The following AMMECR1L variants were observed in gnomAD, a reference collection of about 807,000 sequenced individuals.
AMMECR1L encodes AMMECR1 like.
In AMMECR1L, 4 loss-of-function variants were observed where a neutral mutation model predicts 36.8. The observed-to-expected ratio is 0.11, with a 90% CI of 0.05 to 0.25. The LOEUF (loss-of-function observed/expected upper bound fraction) is 0.25, where lower values mean the gene tolerates loss of function less well. Among genes scored for constraint, AMMECR1L ranks in the 10% least tolerant of loss-of-function variants. AMMECR1L has a pLI of 1.00. For synonymous variants in AMMECR1L, 147 were observed against 148.0 expected, an observed-to-expected ratio of 0.99 and a Z score of 0.05; for missense variants, 232 against 392.1, an observed-to-expected ratio of 0.59 and a Z score of 3.45.
In AMMECR1L at chr2:127,871,024, G is replaced by C. The variant is rs1690940101; in HGVS notation, c.519-96C>G. On this transcript the variant is annotated intron_variant, in intron 4 of 7. Coordinates refer to ENST00000272647, the MANE Select transcript of AMMECR1L (RefSeq NM_001199140.2). The surrounding 1 kb of genome is among the most constrained non-coding windows in gnomAD (Gnocchi z 4.3). ...CACATATTTATGAATCTTGAGCTAT[G>C]CAGAGAGTATCTATTGTTCATCAAC... 1 of 1,011,422 alleles carries C rather than the reference G, an allele frequency of 9.9e-7. No homozygotes were observed. Among genetic ancestry groups the C allele is most frequent in the African/African-American group, 1.6e-5 (1 of 61,666 alleles). 62.7% of individuals were successfully genotyped at this position (1,011,422 alleles called of 1,614,324 possible). A position where few individuals can be genotyped will look rare whatever the true frequency, so the allele number is the denominator to read the frequency against.
At position 127,869,500 on chromosome 2, in the gene AMMECR1L, A is replaced by C; in HGVS notation, c.678T>G (p.Gly226=). 3.1e-6 allele frequency: 5 copies of C among 1,614,100 alleles called. No individual in the cohort carries two copies. Among genetic ancestry groups the C allele is most frequent in the Non-Finnish European group, 4.2e-6 (5 of 1,179,988 alleles). ...GTAAATATGTGGCTGTGCGTTTGACACCTTTTTCATTAATGAATTCAATTC... is the reference window on the plus strand; with the variant it reads ...GTAAATATGTGGCTGTGCGTTTGACCCCTTTTTCATTAATGAATTCAATTC... ...GIRIEFINEK[G]VKRTATYLPE... is the part of the protein sequence containing the mutation. Residue 226 remains glycine, a synonymous_variant, in exon 6 of 8, where the codon GGT becomes GGG. Coordinates refer to ENST00000272647, the MANE Select transcript of AMMECR1L (RefSeq NM_001199140.2). The surrounding 1 kb of genome is among the most constrained non-coding windows in gnomAD (Gnocchi z 4.7).
chr2:127,883,129 G>T (rs1012299119), intron 2 of AMMECR1L, among the ~76,000 whole-genome samples: 6 of 146,868 alleles, frequency 4.1e-5, no homozygotes, highest in African/African-American at 1.5e-4. Flanking sequence ...ACAGAGTCTC[G>T]CTCTGTCGTC....
Position 127,873,083 on chromosome 2 carries a change from G to A in AMMECR1L, c.407+745C>T, listed in dbSNP as rs892163583. On this transcript the variant is annotated intron_variant, in intron 3 of 7. Coordinates refer to ENST00000272647, the MANE Select transcript of AMMECR1L (RefSeq NM_001199140.2). This position sits in a 1 kb window ranked among gnomAD's most constrained non-coding sequence, Gnocchi z 5.2. Reference sequence around the variant, plus strand: ...CTCCGTATGGCAATCAACAACTGAGGAATGAATAATCTCATATCAATGAAC... The same window carrying A: ...CTCCGTATGGCAATCAACAACTGAGAAATGAATAATCTCATATCAATGAAC... 3.0e-6 allele frequency: 3 copies of A among 985,168 alleles called. No individual in the cohort carries two copies. The highest frequency in any genetic ancestry group is 3.6e-6 in the Non-Finnish European group (3 of 829,922). The allele number at this position is 985,168 out of a possible 1,614,324, so 61.0% of individuals were successfully genotyped here.
rs1342030603 is a variant in AMMECR1L, at chr2:127,874,941, C to T, written c.-38-669G>A. ...TCCAATTTCTATACATCTCCCTATCCTTTCAAGACCCCATTCAGAAAACCT... is the reference window on the plus strand; with the variant it reads ...TCCAATTTCTATACATCTCCCTATCTTTTCAAGACCCCATTCAGAAAACCT... On this transcript the variant is annotated intron_variant, in intron 2 of 7. Transcript: ENST00000272647. The surrounding 1 kb of genome is among the most constrained non-coding windows in gnomAD (Gnocchi z 5.2). Among the ~76,000 whole-genome samples the T allele has an allele frequency of 6.6e-6, 1 of 152,184 alleles. No individual in the cohort carries two copies. Among genetic ancestry groups the T allele is most frequent in the Non-Finnish European group, 1.5e-5 (1 of 68,040 alleles).
chr2:127,884,389 C>G (rs911422406), intron 1 of AMMECR1L, 77 bp from the exon 2 acceptor site: 2 of 148,328 alleles, frequency 1.3e-5, no homozygotes, highest in Non-Finnish European at 3.0e-5. Flanking sequence ...TCTGAAAAAT[C>G]ACAACTCGAC....
chr2:127,869,919 C>G lies in AMMECR1L; in HGVS notation c.634-375G>C, dbSNP rs1690881072. ...TTCCTAATAAAAACTTTTATTTGGCCAGGCGCGGTGGCTCATGCCTGTAAT... is the reference window on the plus strand; with the variant it reads ...TTCCTAATAAAAACTTTTATTTGGCGAGGCGCGGTGGCTCATGCCTGTAAT... On this transcript the variant is annotated intron_variant, in intron 5 of 7. Transcript: ENST00000272647. The surrounding 1 kb of genome is among the most constrained non-coding windows in gnomAD (Gnocchi z 4.7). Among the ~76,000 whole-genome samples the G allele has an allele frequency of 6.6e-6, 1 of 152,148 alleles. No homozygotes were observed. The highest frequency in any genetic ancestry group is 1.5e-5 in the Non-Finnish European group (1 of 68,040).
In AMMECR1L at chr2:127,869,360, T is replaced by C. The variant is rs1188164923; in HGVS notation, c.724+94A>G. 6 of 1,199,686 alleles carry C rather than the reference T, an allele frequency of 5.0e-6. No homozygotes were observed. In the Admixed American group the frequency reaches 5.2e-5, roughly 10 times the overall value. The allele number at this position is 1,199,686 out of a possible 1,614,324, so 74.3% of individuals were successfully genotyped here. ...GAAAGGCCCTCATTCTCAGCTGCAG[T>C]TGGGCTGCAAGATGACACACTTCAC... is the stretch of plus-strand genomic sequence containing the variant. On this transcript the variant is annotated intron_variant, in intron 6 of 7. Transcript: ENST00000272647. This position sits in a 1 kb window ranked among gnomAD's most constrained non-coding sequence, Gnocchi z 4.7.
intron 6 of AMMECR1L, 181 bp from the exon 7 acceptor site, chr2:127,867,177 G>T (rs958312337): frequency 1.0e-6 from 1 of 985,382 alleles, no homozygotes; most frequent in African/African-American, 1.7e-5. Context: ...GTCCCGTGGA[G>T]ACTCTGAGAC....
intron 3 of AMMECR1L, among the ~76,000 whole-genome samples, chr2:127,872,015 C>G (rs1325019194): frequency 2.0e-5 from 3 of 151,862 alleles, no homozygotes; most frequent in Non-Finnish European, 4.4e-5. Flanking sequence ...ATGGCGAAAC[C>G]CCGCCTCTAC....
chr2:127,864,228 A>C lies in AMMECR1L; in HGVS notation c.*866T>G, dbSNP rs531845457. On this transcript the variant is annotated 3_prime_UTR_variant, in exon 8 of 8. Transcript: ENST00000272647. The stretch of plus-strand genomic sequence containing the variant: ...TGAGAACTTAGGTCCAGCTATAGGC[A>C]CTGCTACCAGCAGAGGAGTGAGGTA... 3 of 152,838 alleles carry C rather than the reference A, an allele frequency of 2.0e-5. No homozygotes were observed. The highest frequency in any genetic ancestry group is 6.5e-5 in the Admixed American group (1 of 15,306). The allele number at this position is 152,838 out of a possible 1,614,324, so 9.5% of individuals were successfully genotyped here.
intron 2 of AMMECR1L, among the ~76,000 whole-genome samples, chr2:127,875,442 C>T (rs1292666440): frequency 6.6e-6 from 1 of 152,090 alleles, no homozygotes; most frequent in African/African-American, 2.4e-5. Context: ...CCTAAATTTT[C>T]CCCTGTGATT....
chr2:127,866,028 G>A (rs1010057298), intron 7 of AMMECR1L, among the ~76,000 whole-genome samples: 11 of 152,160 alleles, frequency 7.2e-5, no homozygotes, highest in African/African-American at 2.4e-4. Flanking sequence ...TGTATTTGAA[G>A]AGTTTTTTGT....
chr2:127,875,377 G>A (rs1691178545), intron 2 of AMMECR1L, among the ~76,000 whole-genome samples: 1 of 152,116 alleles, frequency 6.6e-6, no homozygotes, highest in African/African-American at 2.4e-5. Context: ...GAAAGAGAGA[G>A]AAAGAAGGGC....
chr2:127,872,920 C>G, intron 3 of AMMECR1L: 1 of 907,078 alleles, frequency 1.1e-6, no homozygotes, highest in South Asian at 5.1e-5. Flanking sequence ...CTCCAGGTTT[C>G]CTCTCCTCTG....
rs1423014155 is a variant in AMMECR1L, at chr2:127,874,881, C to T, written c.-38-609G>A. ...TGTCTCTGCAGCTCTCCTCCTCCAG[C>T]CCCCTCATTCTCTTTGGTTCCCCTC... On this transcript the variant is annotated intron_variant, in intron 2 of 7. Transcript: ENST00000272647. The surrounding 1 kb of genome is among the most constrained non-coding windows in gnomAD (Gnocchi z 5.2). Among the ~76,000 whole-genome samples, 1 of 152,194 alleles carries T rather than the reference C, an allele frequency of 6.6e-6. No homozygotes were observed. The highest frequency in any genetic ancestry group is 1.5e-5 in the Non-Finnish European group (1 of 68,028).
chr2:127,878,430 T>C (rs892430386), intron 2 of AMMECR1L, among the ~76,000 whole-genome samples: 5 of 152,106 alleles, frequency 3.3e-5, no homozygotes, highest in Admixed American at 2.0e-4. Context: ...AAGAATAAAA[T>C]GCAAAAGCTA....
rs959393408 is a variant in AMMECR1L, at chr2:127,874,460, A to T, written c.-38-188T>A. Among the ~76,000 whole-genome samples, 1 of 152,206 alleles carries T rather than the reference A, an allele frequency of 6.6e-6. No homozygotes were observed. The highest frequency in any genetic ancestry group is 1.5e-5 in the Non-Finnish European group (1 of 68,034). On this transcript the variant is annotated intron_variant, in intron 2 of 7. Transcript: ENST00000272647. This position sits in a 1 kb window ranked among gnomAD's most constrained non-coding sequence, Gnocchi z 5.2. ...TCCTAAAAGAGAATTTTTATTTTCCATAAAATTTCCAGATGACTACCATGG... is the reference window on the plus strand; with the variant it reads ...TCCTAAAAGAGAATTTTTATTTTCCTTAAAATTTCCAGATGACTACCATGG...
chr2:127,876,335 G>C (rs1691241458), intron 2 of AMMECR1L, among the ~76,000 whole-genome samples: 1 of 136,350 alleles, frequency 7.3e-6, no homozygotes, highest in Non-Finnish European at 1.6e-5. Context: ...GGGCAACAGA[G>C]CAAGGCCCTG....
At position 127,874,141 on chromosome 2, in the gene AMMECR1L, G is replaced by T; in HGVS notation, c.94C>A (p.His32Asn). Residue 32 changes from histidine to asparagine, a missense_variant, in exon 3 of 8, where the codon CAC (histidine) becomes AAC (asparagine). By Grantham distance (68) the His-to-Asn change is moderately conservative. Coordinates refer to ENST00000272647, the MANE Select transcript of AMMECR1L (RefSeq NM_001199140.2). This position sits in a 1 kb window ranked among gnomAD's most constrained non-coding sequence, Gnocchi z 5.2. ...KKPKLSGSGT[H>N]SHGNQSTTVP... The stretch of plus-strand genomic sequence containing the variant: ...GTTGTGGACTGATTCCCGTGACTGT[G>T]CGTTCCACTTCCAGATAATTTGGGC... The T allele has an allele frequency of 6.2e-7, 1 of 1,614,176 alleles. No individual in the cohort carries two copies. The highest frequency in any genetic ancestry group is 8.5e-7 in the Non-Finnish European group (1 of 1,180,030).
Sources: allele counts gnomAD v4.1 joint callset (sites outside exome capture counted in the v4.1 genomes callset), GRCh38; gene constraint gnomAD v4.1.1; non-coding constraint Gnocchi (gnomAD v3.1); transcripts MANE v1.5; gene names NCBI Gene and HGNC (gene_info 2026-07-23, HGNC 2026-07-21).